BTG3: variants seen among roughly 807,000 people sequenced by gnomAD.
BTG3 encodes the protein BTG anti-proliferation factor 3.
BTG3 carries 4 observed loss-of-function variants against 25.8 expected under a neutral mutation model. The ratio of observed to expected loss-of-function variants is 0.16; its 90% CI spans 0.08 to 0.36. The LOEUF (loss-of-function observed/expected upper bound fraction) is 0.36. Among genes scored for constraint, BTG3 ranks in the 10% least tolerant of loss-of-function variants. The pLI is 1.00. For missense variants in BTG3, 201 were observed against 304.9 expected (o/e 0.66, Z 2.54); for synonymous variants, 107 against 99.9 (o/e 1.07, Z -0.42).
At chr21:17,603,922 CT>C (rs1351598641) in intron 3 of BTG3, among the ~76,000 whole-genome samples, 1 of 152,140 alleles carries the variant, frequency 6.6e-6, no homozygotes, top group African/African-American at 2.4e-5. Context: ...GCTTACTTTT[CT>C]TCTCAATTTC....
At position 17,595,818 on chromosome 21, in the gene BTG3, G is replaced by C. The variant is rs116207731; in HGVS notation, c.520-1486C>G. On this transcript the variant is annotated intron_variant, in intron 4 of 4. Transcript: ENST00000348354. ...ATATTTAATACTTAGGAGTGGAACT[G>C]CTGAGTAATAGAAGAGTTACACATT... Among the ~76,000 whole-genome samples, 727 of 152,120 alleles carry C rather than the reference G, an allele frequency of 4.8e-3. 6 individuals carry two copies. Among genetic ancestry groups the C allele is most frequent in the African/African-American group, 0.017 (699 of 41,540 alleles).
chr21:17,609,294 A>C, intron 1 of BTG3, 142 bp from the exon 2 acceptor site: 1 of 793,052 alleles, frequency 1.3e-6, no homozygotes, highest in Admixed American at 3.1e-5. Flanking sequence ...TATCTGAAGT[A>C]GAGAACAATC....
At chr21:17,599,803 A>C (rs1032477762) in intron 3 of BTG3, among the ~76,000 whole-genome samples, 1 of 152,192 alleles carries the variant, frequency 6.6e-6, no homozygotes, top group Non-Finnish European at 1.5e-5. Context: ...TAAATGTAAC[A>C]TATATGCTAG....
Sources: gnomAD v4.1 joint callset for allele counts (sites outside exome capture counted in the v4.1 genomes callset) on GRCh38, gnomAD v4.1.1 for gene constraint, MANE v1.5 for transcripts, NCBI Gene and HGNC (gene_info 2026-07-23, HGNC 2026-07-21) for gene names.